The following GARS1 variants were observed in gnomAD, a reference collection of about 807,000 sequenced individuals.
The protein encoded by GARS1 is glycine--tRNA ligase.
Under a neutral mutation model 86.4 loss-of-function variants are expected in GARS1, and 46 were observed. The ratio of observed to expected loss-of-function variants is 0.53; its 90% confidence interval spans 0.42 to 0.68. GARS1 has a LOEUF of 0.68. GARS1 is among the 30% of genes least tolerant of loss of function. The pLI, the probability that GARS1 is intolerant of heterozygous loss-of-function variation, is 0.00. For synonymous variants in GARS1, 342 were observed against 329.8 expected (o/e 1.04, Z -0.40); for missense variants, 797 against 915.6 (o/e 0.87, Z 1.67).
chr7:30,612,376 C>G (rs1782777818), intron 8 of GARS1, 131 bp downstream of exon 8: 1 of 916,006 alleles, frequency 1.1e-6, no homozygotes, highest in African/African-American at 1.7e-5. Context: ...CTCCAAAAAT[C>G]ATGTTTTACA....
At chr7:30,619,092 G>A (rs1220880829) in intron 10 of GARS1, among the ~76,000 whole-genome samples, 1 of 152,174 alleles carries the variant, frequency 6.6e-6, no homozygotes, top group Admixed American at 6.5e-5. Context: ...TGTTCTTGCT[G>A]TCTCAGTTAA....
At chr7:30,594,863 C>T (rs886062271), upstream of GARS1, 190 of 1,406,884 alleles carry the variant, frequency 1.4e-4, 2 homozygotes, top group East Asian at 4.7e-3. Flanking sequence ...TGCTCCGAGC[C>T]GGGCGGCGCG....
intron 6 of GARS1, among the ~76,000 whole-genome samples, chr7:30,606,463 G>T (rs1301117403): frequency 6.6e-6 from 1 of 152,056 alleles, no homozygotes; most frequent in Admixed American, 6.5e-5. Flanking sequence ...CCATTAGTTG[G>T]TTCCCTAACA....
At chr7:30,626,342 C>T (rs771371116) in intron 13 of GARS1, 23 bp downstream of exon 13, 1 of 1,334,450 alleles carries the variant, frequency 7.5e-7, no homozygotes, top group Admixed American at 1.7e-5. Flanking sequence ...AAATAATAAA[C>T]AAAAAGTCAC....
intron 3 of GARS1, 52 bp from the exon 4 acceptor site, chr7:30,601,007 A>G: frequency 6.4e-7 from 1 of 1,573,978 alleles, no homozygotes; most frequent in Non-Finnish European, 8.7e-7. Flanking sequence ...CCTTGCCTTC[A>G]TTTGTTCAGA....
chr7:30,631,596 T>G (rs1783236977), intron 15 of GARS1, 55 bp downstream of exon 15: 1 of 1,088,364 alleles, frequency 9.2e-7, no homozygotes, highest in Non-Finnish European at 1.4e-6. Context: ...GAGACTGAAT[T>G]TTAGGAAATG....
intron 10 of GARS1, among the ~76,000 whole-genome samples, chr7:30,621,053 TC>T (rs1027650814): frequency 2.7e-5 from 4 of 150,630 alleles, no homozygotes; most frequent in Non-Finnish European, 3.0e-5. Flanking sequence ...TTTTTTTCTT[TC>T]TTTTTTTTTT....
chr7:30,605,544 G>C (rs1791462674), intron 6 of GARS1, among the ~76,000 whole-genome samples: 1 of 152,058 alleles, frequency 6.6e-6, no homozygotes, highest in Non-Finnish European at 1.5e-5. Context: ...TGGGGACAGA[G>C]CCCCACTCTG....
At chr7:30,628,052 T>C (rs1216158406) in intron 13 of GARS1, among the ~76,000 whole-genome samples, 1 of 152,216 alleles carries the variant, frequency 6.6e-6, no homozygotes, top group Non-Finnish European at 1.5e-5. Flanking sequence ...TCACTCCAGC[T>C]TTCTCTTCAA....
At position 30,612,101 on chromosome 7, in the gene GARS1, T is replaced by G; in HGVS notation, c.887T>G (p.Leu296Trp). Residue 296 changes from leucine to tryptophan, a missense_variant, in exon 8 of 17, where the codon TTG becomes TGG. By Grantham distance (61) the Leu-to-Trp change is moderately conservative. Transcript: ENST00000389266. ...TGACTTACTTAAATTTATAGGTACT[T>G]GAGACCAGAAACTGCACAGGGGATT... Reference protein sequence around the residue: ...IGPGGNMPGYLRPETAQGIFL... With the variant: ...IGPGGNMPGYWRPETAQGIFL... 6.2e-7 allele frequency: 1 copy of G among 1,613,704 alleles called. No homozygotes were observed. The highest frequency in any genetic ancestry group is 1.1e-5 in the South Asian group (1 of 91,076).
At chr7:30,600,945 T>C in intron 3 of GARS1, 114 bp from the exon 4 acceptor site, 1 of 959,776 alleles carries the variant, frequency 1.0e-6, no homozygotes, top group Non-Finnish European at 1.7e-6. Context: ...GGGATTTGCA[T>C]TGTTGACTTG....
At chr7:30,599,813 T>C in intron 2 of GARS1, 134 bp from the exon 3 acceptor site, 1 of 635,362 alleles carries the variant, frequency 1.6e-6, no homozygotes, top group African/African-American at 1.8e-5. Context: ...TCTATTGTTT[T>C]TAACCTATCA....
At position 30,632,169 on chromosome 7, in the gene GARS1, C is replaced by T; in HGVS notation, c.1904-78C>T. The T allele has an allele frequency of 7.2e-7, 1 of 1,380,712 alleles. No homozygotes were observed. The highest frequency in any genetic ancestry group is 1.0e-6 in the Non-Finnish European group (1 of 984,488). 85.5% of individuals were successfully genotyped at this position (1,380,712 alleles called of 1,614,324 possible). On this transcript the variant is annotated intron_variant, in intron 15 of 16. Coordinates refer to ENST00000389266, the MANE Select transcript of GARS1 (RefSeq NM_002047.4). The surrounding 1 kb of genome is among the most constrained non-coding windows in gnomAD (Gnocchi z 4.1). Reference sequence around the variant, plus strand: ...TGGTCCCATTTATAAGTCTCCTGAGCTTGTAAGACAGTAGTTAGATAACAC... The same window carrying T: ...TGGTCCCATTTATAAGTCTCCTGAGTTTGTAAGACAGTAGTTAGATAACAC...
In GARS1 at chr7:30,598,870, A is replaced by G; in HGVS notation, c.297A>G (p.Lys99=). Reference sequence around the variant, plus strand: ...TAGACAAAGCAGTGGCTGAGCTCAAAGCCCGCAAGAGGGTTCTGGAAGCAA... The same window carrying G: ...TAGACAAAGCAGTGGCTGAGCTCAAGGCCCGCAAGAGGGTTCTGGAAGCAA... ...VDVDKAVAEL[K]ARKRVLEAKE... The change falls in exon 2 of 17, where the codon AAA becomes AAG. Residue 99 remains lysine, a synonymous_variant. Coordinates refer to ENST00000389266, the MANE Select transcript of GARS1 (RefSeq NM_002047.4). The G allele has an allele frequency of 6.2e-7, 1 of 1,614,192 alleles. No homozygotes were observed. Among genetic ancestry groups the G allele is most frequent in the Non-Finnish European group, 8.5e-7 (1 of 1,180,012 alleles).
At chr7:30,626,705 G>A (rs768016135) in intron 13 of GARS1, among the ~76,000 whole-genome samples, 42 of 152,226 alleles carry the variant, frequency 2.8e-4, no homozygotes, top group Admixed American at 1.9e-3. Flanking sequence ...TTTAGGGGCC[G>A]GGCGTGGTGG....
rs1232321871 is a variant in GARS1, at chr7:30,632,603, T to G, written c.2094+166T>G. ...GCCCAGATTCTCAAGTCCCCCGGTT[T>G]AATTATGAAAATATCCATTAGCACT... is the stretch of plus-strand genomic sequence containing the variant. On this transcript the variant is annotated intron_variant, in intron 16 of 16. Transcript: ENST00000389266. The surrounding 1 kb of genome is among the most constrained non-coding windows in gnomAD (Gnocchi z 4.1). Among the ~76,000 whole-genome samples the G allele has an allele frequency of 6.6e-6, 1 of 152,212 alleles. No individual in the cohort carries two copies.
chr7:30,627,736 A>G (rs1783155420), intron 13 of GARS1, among the ~76,000 whole-genome samples: 1 of 152,236 alleles, frequency 6.6e-6, no homozygotes, highest in South Asian at 2.1e-4. Context: ...ATACAATGCC[A>G]GTAATTTGGT....
chr7:30,597,126 G>A (rs1791266777), intron 1 of GARS1, among the ~76,000 whole-genome samples: 1 of 152,214 alleles, frequency 6.6e-6, no homozygotes, highest in Admixed American at 6.5e-5. Flanking sequence ...CAGCTTCACA[G>A]TCCTTAAAGA....
chr7:30,631,577 A>G (rs534181305), intron 15 of GARS1, 36 bp downstream of exon 15: 1 of 1,316,306 alleles, frequency 7.6e-7, no homozygotes. Context: ...CCATGGGAAC[A>G]CCATCAAGGA....
Sources: gnomAD v4.1 joint callset for allele counts (sites outside exome capture counted in the v4.1 genomes callset) on GRCh38, gnomAD v4.1.1 for gene constraint, Gnocchi (gnomAD v3.1) non-coding constraint, MANE v1.5 for transcripts, NCBI Gene and HGNC (gene_info 2026-07-23, HGNC 2026-07-21) for gene names.